The following DNAJC3 variants were observed in gnomAD, a reference collection of about 807,000 sequenced individuals.
The protein encoded by DNAJC3 is dnaJ homolog subfamily C member 3.
A neutral mutation model predicts 68.6 loss-of-function variants in DNAJC3; 38 were observed. The observed-to-expected ratio is 0.55, with a 90% confidence interval of 0.43 to 0.73. The LOEUF (loss-of-function observed/expected upper bound fraction) is 0.73. Ranked by LOEUF, DNAJC3 falls within the 30% of genes least tolerant of loss-of-function variation. The pLI, the probability that DNAJC3 is intolerant of heterozygous loss-of-function variation, is 0.00. For missense variants in DNAJC3, 526 were observed against 591.9 expected (o/e 0.89, Z 1.16); for synonymous variants, 203 against 204.0 (o/e 1.00, Z 0.04).
chr13:95,690,740 G>A lies in DNAJC3; in HGVS notation c.82+13403G>A, dbSNP rs1880214601. 2.7e-5 allele frequency among the ~76,000 whole-genome samples: 4 copies of A among 147,624 alleles called. No individual in the cohort carries two copies. The South Asian group carries it at 8.6e-4, about 32-fold the overall frequency. On this transcript the variant is annotated intron_variant, in intron 1 of 11. Coordinates refer to ENST00000602402, the MANE Select transcript of DNAJC3 (RefSeq NM_006260.5). The stretch of plus-strand genomic sequence containing the variant: ...TCCTCACTTCCCAGTAGGGGCGGCC[G>A]GGCAGAGGCGCCCCTCACTTTCCGG...
chr13:95,759,927 A>G (rs1404103847), intron 5 of DNAJC3, 113 bp from the exon 6 acceptor site: 1 of 1,074,026 alleles, frequency 9.3e-7, no homozygotes. Context: ...AAGTCATCAC[A>G]TCAATTGAGA....
chr13:95,755,413 T>C (rs1882624401), intron 4 of DNAJC3, among the ~76,000 whole-genome samples: 1 of 151,890 alleles, frequency 6.6e-6, no homozygotes, highest in Non-Finnish European at 1.5e-5. Flanking sequence ...AACATGCCAC[T>C]ACACTCCAGC....
At chr13:95,764,347 T>TTCCC (rs1555328186) in intron 9 of DNAJC3, among the ~76,000 whole-genome samples, 1 of 130,026 alleles carries the variant, frequency 7.7e-6, no homozygotes, top group Non-Finnish European at 1.6e-5. Flanking sequence ...CATATACATA[T>TTCCC]TCTCTCTCTC....
At chr13:95,785,905 C>T (rs369421943) in intron 9 of DNAJC3, 34 bp from the exon 10 acceptor site, 14 of 1,527,598 alleles carry the variant, frequency 9.2e-6, no homozygotes, top group African/African-American at 1.4e-5. Context: ...TTATAATTTG[C>T]CTTAACAATA....
At chr13:95,712,665 C>T (rs2139630365) in intron 2 of DNAJC3, among the ~76,000 whole-genome samples, 1 of 152,316 alleles carries the variant, frequency 6.6e-6, no homozygotes, top group East Asian at 1.9e-4. Flanking sequence ...AGCCACCGTG[C>T]CTGGCCTAGC....
intron 4 of DNAJC3, among the ~76,000 whole-genome samples, chr13:95,753,285 TG>T (rs1566499987): frequency 6.6e-6 from 1 of 152,338 alleles, no homozygotes; most frequent in East Asian, 1.9e-4. Flanking sequence ...CCCCCTGACT[TG>T]TATACTATTG....
chr13:95,709,637 T>G (rs1197675715), intron 2 of DNAJC3, among the ~76,000 whole-genome samples: 5 of 146,640 alleles, frequency 3.4e-5, no homozygotes, highest in African/African-American at 1.3e-4. Context: ...ACTTTTTTTT[T>G]TTTTTTTTTT....
At chr13:95,733,839 G>T (rs138671764) in intron 4 of DNAJC3, among the ~76,000 whole-genome samples, 1 of 150,464 alleles carries the variant, frequency 6.6e-6, no homozygotes, top group African/African-American at 2.5e-5. Context: ...TTTAGTCTTC[G>T]TGTGTCTTTA....
At chr13:95,766,060 A>G (rs1299558944) in intron 9 of DNAJC3, among the ~76,000 whole-genome samples, 1 of 152,210 alleles carries the variant, frequency 6.6e-6, no homozygotes, top group East Asian at 1.9e-4. Flanking sequence ...TAAATGATGT[A>G]AATAAATAAT....
chr13:95,747,377 C>T (rs957187938), intron 4 of DNAJC3, among the ~76,000 whole-genome samples: 1 of 152,102 alleles, frequency 6.6e-6, no homozygotes, highest in African/African-American at 2.4e-5. Context: ...AGGTTACTTG[C>T]TTGAAATCTG....
intron 2 of DNAJC3, among the ~76,000 whole-genome samples, chr13:95,722,887 G>A (rs1228773897): frequency 2.2e-5 from 3 of 135,840 alleles, no homozygotes; most frequent in Admixed American, 8.7e-5. Flanking sequence ...TAGACCAGGG[G>A]TTTGCGAACT....
chr13:95,787,671 T>G (rs576821505), intron 11 of DNAJC3, among the ~76,000 whole-genome samples: 1,763 of 148,628 alleles, frequency 0.012, 35 homozygotes, highest in African/African-American at 0.041. Flanking sequence ...TTATATGTGT[T>G]TTTTTTTTTT....
chr13:95,763,890 G>C lies in DNAJC3; in HGVS notation c.1012G>C (p.Asp338His), dbSNP rs181027695. The C allele has an allele frequency of 1.4e-5, 23 of 1,614,048 alleles. No individual in the cohort carries two copies. The African/African-American group carries it at 2.3e-4, about 16-fold the overall frequency. ...VCSEVLQMEP[D>H]NVNALKDRAE... is the part of the protein sequence containing the mutation. ...TTCTGAAGTTTTACAGATGGAACCT[G>C]ACAATGTGAATGCCCTGAAAGATCG... is the stretch of plus-strand genomic sequence containing the variant. The change falls in exon 9 of 12, where the codon GAC becomes CAC. Residue 338 changes from aspartate to histidine, a missense_variant. Coordinates refer to ENST00000602402, the MANE Select transcript of DNAJC3 (RefSeq NM_006260.5).
chr13:95,790,416 C>G (rs1182805808), intron 11 of DNAJC3, among the ~76,000 whole-genome samples: 5 of 152,186 alleles, frequency 3.3e-5, no homozygotes, highest in Non-Finnish European at 7.3e-5. Context: ...CCCCGCTCCC[C>G]TCATGTCTGA....
At chr13:95,755,751 C>G (rs1245230820) in intron 4 of DNAJC3, among the ~76,000 whole-genome samples, 1 of 106,664 alleles carries the variant, frequency 9.4e-6, no homozygotes, top group East Asian at 2.5e-4. Flanking sequence ...AGCGAGACGC[C>G]GTCTCAAAAA....
chr13:95,728,306 A>G (rs964919268), intron 4 of DNAJC3, among the ~76,000 whole-genome samples: 2 of 152,144 alleles, frequency 1.3e-5, no homozygotes, highest in African/African-American at 4.8e-5. Context: ...TGACTGTACC[A>G]TTTTACATTC....
At position 95,763,852 on chromosome 13, in the gene DNAJC3, C is replaced by T. The variant is rs749558045; in HGVS notation, c.974C>T (p.Ala325Val). Residue 325 changes from alanine to valine, a missense_variant, in exon 9 of 12, where the codon GCT (alanine) becomes GTT (valine). Ala to Val is a moderately conservative substitution (Grantham distance 64). Coordinates refer to ENST00000602402, the MANE Select transcript of DNAJC3 (RefSeq NM_006260.5). Reference protein sequence around the residue: ...CFSKDEKPVEAIRVCSEVLQM... With the variant: ...CFSKDEKPVEVIRVCSEVLQM... ...TTTTAGGACGAGAAGCCTGTTGAAG[C>T]TATTAGGGTTTGTTCTGAAGTTTTA... 2.9e-5 allele frequency: 47 copies of T among 1,613,912 alleles called. No individual in the cohort carries two copies. In the South Asian group the frequency reaches 5.1e-4, roughly 17 times the overall value.
intron 2 of DNAJC3, among the ~76,000 whole-genome samples, chr13:95,709,825 G>A (rs1249027561): frequency 6.6e-6 from 1 of 151,976 alleles, no homozygotes; most frequent in East Asian, 1.9e-4. Flanking sequence ...ATTTTTAGTA[G>A]AGACGGGGTT....
chr13:95,694,709 A>C (rs180735873), intron 1 of DNAJC3: 1 of 152,752 alleles, frequency 6.5e-6, no homozygotes, highest in Non-Finnish European at 1.5e-5. Flanking sequence ...AGACCATCAC[A>C]GGATTATTTC....
Sources: allele counts gnomAD v4.1 joint callset (sites outside exome capture counted in the v4.1 genomes callset), GRCh38; gene constraint gnomAD v4.1.1; transcripts MANE v1.5; gene names NCBI Gene and HGNC (gene_info 2026-07-23, HGNC 2026-07-21).